Variants in PTPRT observed in about 807,000 individuals in gnomAD.
PTPRT encodes the protein protein tyrosine phosphatase receptor type T, also known as receptor-type tyrosine-protein phosphatase T.
Under a neutral mutation model 176.8 loss-of-function variants are expected in PTPRT, and 56 were observed. That is an observed-to-expected ratio of 0.32 (90% CI 0.26 to 0.40). The LOEUF is 0.40. Among genes scored for constraint, PTPRT ranks in the 10% least tolerant of loss-of-function variants. The pLI is 1.00. For missense variants in PTPRT, 1,540 were observed against 1,908.2 expected, an observed-to-expected ratio of 0.81 and a Z score of 3.60; for synonymous variants, 783 against 739.0, an observed-to-expected ratio of 1.06 and a Z score of -0.96.
intron 9 of PTPRT, among the ~76,000 whole-genome samples, chr20:42,376,161 C>A (rs1262398687): frequency 1.3e-5 from 2 of 152,118 alleles, no homozygotes; most frequent in Non-Finnish European, 2.9e-5. Flanking sequence ...TACGAGCTTG[C>A]CGGATGAAAG....
intron 6 of PTPRT, among the ~76,000 whole-genome samples, chr20:42,680,604 A>G (rs1215462062): frequency 1.3e-5 from 2 of 152,124 alleles, no homozygotes; most frequent in African/African-American, 4.8e-5. Context: ...CCTTAATATA[A>G]TTATTCACAG....
At chr20:42,595,653 A>T (rs1433123839) in intron 7 of PTPRT, among the ~76,000 whole-genome samples, 1 of 152,104 alleles carries the variant, frequency 6.6e-6, no homozygotes, top group Non-Finnish European at 1.5e-5. Context: ...TACCTAACAG[A>T]TCTTCATTTA....
At chr20:43,133,075 G>A (rs1046884180) in intron 1 of PTPRT, among the ~76,000 whole-genome samples, 1 of 152,128 alleles carries the variant, frequency 6.6e-6, no homozygotes, top group Non-Finnish European at 1.5e-5. Context: ...GCTTGCCTGG[G>A]GAAGAGGGGC....
rs138567989 is a variant in PTPRT, at chr20:42,536,649, G to A, written c.1154-64087C>T. On this transcript the variant is annotated intron_variant, in intron 7 of 30. Coordinates refer to ENST00000373187, the MANE Select transcript of PTPRT (RefSeq NM_007050.6). The stretch of plus-strand genomic sequence containing the variant: ...ATTGGATTGTCTCAAGATTAAATAA[G>A]GACATACATAAAGTGTTTATCAGAA... 1.8e-4 allele frequency among the ~76,000 whole-genome samples: 27 copies of A among 152,248 alleles called. No homozygotes were observed. In the East Asian group the frequency reaches 4.2e-3, roughly 24 times the overall value.
intron 1 of PTPRT, among the ~76,000 whole-genome samples, chr20:42,944,695 A>T (rs1296507166): frequency 6.6e-6 from 1 of 152,160 alleles, no homozygotes; most frequent in Non-Finnish European, 1.5e-5. Context: ...CTCTTCCACC[A>T]GGTCTCAGTT....
chr20:42,987,061 A>G (rs887101687), intron 1 of PTPRT, among the ~76,000 whole-genome samples: 1 of 152,090 alleles, frequency 6.6e-6, no homozygotes, highest in Non-Finnish European at 1.5e-5. Flanking sequence ...AGGCCACAGA[A>G]CTCAGGACAG....
At chr20:42,463,830 A>T (rs1481764261) in intron 8 of PTPRT, among the ~76,000 whole-genome samples, 2 of 152,166 alleles carry the variant, frequency 1.3e-5, no homozygotes, top group Non-Finnish European at 2.9e-5. Flanking sequence ...GAGGCTTGGA[A>T]CTAACTTAAT....
intron 1 of PTPRT, among the ~76,000 whole-genome samples, chr20:42,887,671 G>T (rs1308686086): frequency 1.3e-5 from 2 of 152,294 alleles, no homozygotes; most frequent in East Asian, 3.9e-4. Flanking sequence ...CCTGTTGACA[G>T]ATCTGACATA....
intron 11 of PTPRT, among the ~76,000 whole-genome samples, chr20:42,333,051 AGTTTTGG>A: frequency 6.6e-6 from 1 of 152,246 alleles, no homozygotes; most frequent in Non-Finnish European, 1.5e-5. Flanking sequence ...CACCACTCTG[AGTTTTGG>A]TGTCATATGA....
intron 9 of PTPRT, among the ~76,000 whole-genome samples, chr20:42,444,462 T>A (rs904283879): frequency 6.6e-6 from 1 of 152,126 alleles, no homozygotes; most frequent in African/African-American, 2.4e-5. Context: ...GCCACTCACA[T>A]TTTGGGGGGC....
At chr20:42,976,666 C>G (rs558374815) in intron 1 of PTPRT, among the ~76,000 whole-genome samples, 27 of 152,192 alleles carry the variant, frequency 1.8e-4, no homozygotes, top group African/African-American at 6.5e-4. Context: ...CTTGGCCTCC[C>G]CAAGTGCTGG....
intron 13 of PTPRT, among the ~76,000 whole-genome samples, chr20:42,257,643 A>T (rs796593587): frequency 1.0e-4 from 2 of 19,250 alleles, no homozygotes; most frequent in African/African-American, 7.9e-4. Context: ...ACCTCCCCCC[A>T]CCCCCCCCCC....
chr20:42,831,384 G>A (rs1474641180), intron 2 of PTPRT, among the ~76,000 whole-genome samples: 2 of 152,092 alleles, frequency 1.3e-5, no homozygotes, highest in Non-Finnish European at 2.9e-5. Flanking sequence ...AACTCAAGAT[G>A]AATTAAAGAC....
intron 27 of PTPRT, among the ~76,000 whole-genome samples, chr20:42,093,500 A>T (rs773551976): frequency 7.2e-5 from 11 of 152,220 alleles, no homozygotes; most frequent in Admixed American, 1.3e-4. Context: ...TAAATGAAGT[A>T]GTGTAAGATT....
chr20:42,876,747 C>T (rs138589317), intron 2 of PTPRT, among the ~76,000 whole-genome samples: 7 of 152,216 alleles, frequency 4.6e-5, no homozygotes, highest in African/African-American at 1.4e-4. Context: ...TTTAAATAAC[C>T]GCCTTCCTTA....
chr20:43,013,983 C>A (rs1248873616), intron 1 of PTPRT, among the ~76,000 whole-genome samples: 1 of 152,144 alleles, frequency 6.6e-6, no homozygotes, highest in East Asian at 1.9e-4. Flanking sequence ...AAGGCGAGGT[C>A]ACTTATTGTC....
intron 1 of PTPRT, among the ~76,000 whole-genome samples, chr20:43,014,701 G>A (rs919761328): frequency 1.3e-5 from 2 of 152,142 alleles, no homozygotes; most frequent in Non-Finnish European, 2.9e-5. Context: ...AGCATACAGA[G>A]AAATTAAAAC....
intron 7 of PTPRT, among the ~76,000 whole-genome samples, chr20:42,665,895 AGAACACAT>A (rs1442026998): frequency 6.8e-6 from 1 of 146,652 alleles, no homozygotes; most frequent in African/African-American, 2.5e-5. Flanking sequence ...TTGAACAATG[AGAACACAT>A]GGACACAGGA....
intron 7 of PTPRT, among the ~76,000 whole-genome samples, chr20:42,646,230 A>T (rs2074896474): frequency 6.6e-6 from 1 of 152,084 alleles, no homozygotes; most frequent in African/African-American, 2.4e-5. Context: ...CCAAGGGCAA[A>T]CTGGCATAGG....
Sources: allele counts gnomAD v4.1 joint callset (sites outside exome capture counted in the v4.1 genomes callset), GRCh38; gene constraint gnomAD v4.1.1; transcripts MANE v1.5; gene names NCBI Gene and HGNC (gene_info 2026-07-23, HGNC 2026-07-21).